SLC25A26: variants seen among roughly 807,000 people sequenced by gnomAD.
SLC25A26 encodes solute carrier family 25 member 26.
In SLC25A26, 36 loss-of-function variants were observed where a neutral mutation model predicts 37.8. The observed-to-expected ratio is 0.95, with a 90% CI of 0.73 to 1.26. The LOEUF (loss-of-function observed/expected upper bound fraction) is 1.26, where lower values mean the gene tolerates loss of function less well. SLC25A26 is among the 50% of genes most tolerant of loss of function. The probability of loss-of-function intolerance (pLI) is 0.00; values close to 1 mark genes in which losing one functional copy is unlikely to be tolerated. For missense variants in SLC25A26, 390 were observed against 331.1 expected (o/e 1.18, Z -1.38); for synonymous variants, 129 against 122.5 (o/e 1.05, Z -0.35).
intron 1 of SLC25A26, among the ~76,000 whole-genome samples, chr3:66,209,898 T>TTATATATATATATATATATATA (rs1159734636): frequency 1.6e-4 from 6 of 38,616 alleles, no homozygotes; most frequent in Admixed American, 4.4e-4. Context: ...CTCTCTCTAT[T>TTATATATATATATATATATATA]TATATATATA....
intron 1 of SLC25A26, among the ~76,000 whole-genome samples, chr3:66,168,200 T>TAC (rs562006470): frequency 0.013 from 1,507 of 115,396 alleles, 40 homozygotes; most frequent in East Asian, 0.074. Context: ...TATATATATA[T>TAC]ACACACACAC....
chr3:66,307,415 G>C (rs1167046525), intron 5 of SLC25A26, among the ~76,000 whole-genome samples: 2 of 152,038 alleles, frequency 1.3e-5, no homozygotes, highest in Non-Finnish European at 2.9e-5. Context: ...CCCTTTGTCA[G>C]ATGGATAGAT....
At chr3:66,237,977 C>T (rs2072377229) in intron 2 of SLC25A26, among the ~76,000 whole-genome samples, 1 of 152,154 alleles carries the variant, frequency 6.6e-6, no homozygotes, top group Admixed American at 6.5e-5. Context: ...TTCTCCTGCC[C>T]TTCCCCATCC....
At chr3:66,243,983 G>A (rs1391124685) in intron 3 of SLC25A26, among the ~76,000 whole-genome samples, 1 of 152,118 alleles carries the variant, frequency 6.6e-6, no homozygotes, top group Non-Finnish European at 1.5e-5. Flanking sequence ...CTTCCAGTCT[G>A]TCCTTGTTCT....
chr3:66,167,490 C>A (rs2070441019), intron 1 of SLC25A26, among the ~76,000 whole-genome samples: 1 of 152,182 alleles, frequency 6.6e-6, no homozygotes, highest in African/African-American at 2.4e-5. Flanking sequence ...TTATATAAGC[C>A]AATAAATTCC....
chr3:66,169,938 A>G (rs1343040551), intron 1 of SLC25A26, among the ~76,000 whole-genome samples: 2 of 152,160 alleles, frequency 1.3e-5, no homozygotes, highest in Non-Finnish European at 2.9e-5. Flanking sequence ...GAAGAGCAAT[A>G]ATTTTCCTCA....
At chr3:66,355,241 C>G (rs1046437420) in intron 6 of SLC25A26, among the ~76,000 whole-genome samples, 1 of 151,850 alleles carries the variant, frequency 6.6e-6, no homozygotes, top group African/African-American at 2.4e-5. Context: ...ATCATTAGTT[C>G]AAGATTTTCT....
intron 1 of SLC25A26, among the ~76,000 whole-genome samples, chr3:66,202,688 A>G (rs970721607): frequency 1.6e-5 from 2 of 128,178 alleles, no homozygotes; most frequent in Non-Finnish European, 3.5e-5. Context: ...ATTTCACTCC[A>G]TATGTGATCT....
intron 1 of SLC25A26, among the ~76,000 whole-genome samples, chr3:66,204,597 C>T (rs1026033709): frequency 0.97 from 148,294 of 152,224 alleles, 72,356 homozygotes; most frequent in East Asian, 1. Flanking sequence ...AGAATGCTAG[C>T]ACCCCAGAAA....
At chr3:66,371,527 A>T in intron 9 of SLC25A26, 3 of 1,289,788 alleles carry the variant, frequency 2.3e-6, no homozygotes, top group South Asian at 2.1e-5. Context: ...TGAATGTGAC[A>T]ACTCTGAGGG....
At chr3:66,184,561 C>G (rs568910122) in intron 1 of SLC25A26, among the ~76,000 whole-genome samples, 8 of 152,394 alleles carry the variant, frequency 5.2e-5, no homozygotes, top group Non-Finnish European at 1.2e-4. Flanking sequence ...TCATCCTCAT[C>G]AGGACCGTTA....
intron 1 of SLC25A26, among the ~76,000 whole-genome samples, chr3:66,150,532 T>TAAAA (rs1284803508): frequency 3.0e-5 from 4 of 132,286 alleles, no homozygotes; most frequent in African/African-American, 1.1e-4. Flanking sequence ...ATGATATATA[T>TAAAA]ATATATATAT....
At chr3:66,163,737 C>G (rs1385243744) in intron 1 of SLC25A26, among the ~76,000 whole-genome samples, 2 of 152,212 alleles carry the variant, frequency 1.3e-5, no homozygotes, top group Non-Finnish European at 2.9e-5. Context: ...TCCAAGTTCT[C>G]TCTGCCTTGA....
At chr3:66,279,756 G>T (rs955443022) in intron 5 of SLC25A26, among the ~76,000 whole-genome samples, 1 of 152,108 alleles carries the variant, frequency 6.6e-6, no homozygotes, top group Non-Finnish European at 1.5e-5. Context: ...TGGTTAAATT[G>T]ATCTGTGGGA....
At chr3:66,150,030 G>A in intron 1 of SLC25A26, among the ~76,000 whole-genome samples, 1 of 152,086 alleles carries the variant, frequency 6.6e-6, no homozygotes, top group Non-Finnish European at 1.5e-5. Context: ...GGCTTTTCAA[G>A]GTTCATAGGC....
At chr3:66,184,609 A>C (rs2070786480) in intron 1 of SLC25A26, among the ~76,000 whole-genome samples, 1 of 152,268 alleles carries the variant, frequency 6.6e-6, no homozygotes, top group Non-Finnish European at 1.5e-5. Context: ...TTTACTATGT[A>C]TTACATGCTC....
chr3:66,329,681 G>A (rs2075923605), intron 5 of SLC25A26, among the ~76,000 whole-genome samples: 1 of 152,060 alleles, frequency 6.6e-6, no homozygotes, highest in Non-Finnish European at 1.5e-5. Flanking sequence ...AAGACCATTA[G>A]TATTTTGTGA....
intron 1 of SLC25A26, among the ~76,000 whole-genome samples, chr3:66,198,858 C>T (rs2071078147): frequency 6.6e-6 from 1 of 151,908 alleles, no homozygotes; most frequent in Non-Finnish European, 1.5e-5. Context: ...CTGACCTTCA[C>T]ACGCGTTTTG....
chr3:66,259,347 C>T (rs1311060191), intron 3 of SLC25A26, among the ~76,000 whole-genome samples: 1 of 152,152 alleles, frequency 6.6e-6, no homozygotes, highest in Non-Finnish European at 1.5e-5. Context: ...TCTGTATTCA[C>T]ATCCAAGAAA....
Sources: allele counts gnomAD v4.1 joint callset (sites outside exome capture counted in the v4.1 genomes callset), GRCh38; gene constraint gnomAD v4.1.1; transcripts MANE v1.5; gene names NCBI Gene and HGNC (gene_info 2026-07-23, HGNC 2026-07-21).